DNAAF4: variants seen among roughly 807,000 people sequenced by gnomAD.
DNAAF4 encodes dynein assembly factor 4, axonemal.
Under a neutral mutation model 51.8 loss-of-function variants are expected in DNAAF4, and 43 were observed. The ratio of observed to expected loss-of-function variants is 0.83; its 90% CI spans 0.65 to 1.07. The LOEUF (loss-of-function observed/expected upper bound fraction) is 1.07. Among genes scored for constraint, DNAAF4 ranks in the 50% least tolerant of loss-of-function variants. The probability of loss-of-function intolerance (pLI) is 0.00; values close to 1 mark genes in which losing one functional copy is unlikely to be tolerated. For missense variants in DNAAF4, 581 were observed against 493.0 expected (o/e 1.18, Z -1.69); for synonymous variants, 194 against 165.6 (o/e 1.17, Z -1.32).
intron 6 of DNAAF4, among the ~76,000 whole-genome samples, chr15:55,447,011 C>T (rs1265250492): frequency 1.4e-5 from 2 of 141,820 alleles, no homozygotes; most frequent in Admixed American, 7.1e-5. Flanking sequence ...CAGAGGCGCT[C>T]TCCACTTCCC....
At chr15:55,418,281 C>T in intron 7 of DNAAF4, 1 of 1,552,022 alleles carries the variant, frequency 6.4e-7, no homozygotes, top group Non-Finnish European at 8.7e-7. Flanking sequence ...GAACAACTGC[C>T]TCCTTGTGTG....
At chr15:55,506,521 A>T (rs1369224171) in intron 1 of DNAAF4, among the ~76,000 whole-genome samples, 5 of 152,182 alleles carry the variant, frequency 3.3e-5, no homozygotes, top group Admixed American at 6.6e-5. Context: ...GAGTTCTAAT[A>T]ATAAAAGTGT....
At chr15:55,497,658 G>C (rs926183050) in intron 3 of DNAAF4, 54 bp downstream of exon 3, 21 of 1,538,056 alleles carry the variant, frequency 1.4e-5, no homozygotes, top group African/African-American at 2.8e-5. Flanking sequence ...TTTTTTAAAA[G>C]GTCTGAAACC....
intron 7 of DNAAF4, chr15:55,418,752 A>G (rs901929217): frequency 2.0e-6 from 1 of 502,414 alleles, no homozygotes; most frequent in Non-Finnish European, 3.4e-6. Flanking sequence ...TATGTTCAAA[A>G]TAGCAAAATA....
At chr15:55,499,807 T>C (rs1176017292) in intron 1 of DNAAF4, among the ~76,000 whole-genome samples, 3 of 152,232 alleles carry the variant, frequency 2.0e-5, no homozygotes, top group Non-Finnish European at 4.4e-5. Context: ...TTGAAGATTA[T>C]GTAGTCTTAT....
intron 4 of DNAAF4, among the ~76,000 whole-genome samples, chr15:55,486,759 G>C (rs1441316055): frequency 1.3e-5 from 2 of 151,050 alleles, no homozygotes; most frequent in African/African-American, 4.9e-5. Flanking sequence ...TTCCAGCCTG[G>C]GCAACAGACC....
rs917414309 is a variant in DNAAF4, at chr15:55,447,283, C to T, written c.783+2939G>A. Among the ~76,000 whole-genome samples the T allele has an allele frequency of 9.0e-4, 137 of 151,966 alleles. 1 individual carries two copies. The highest frequency in any genetic ancestry group is 3.8e-3 in the Admixed American group (58 of 15,264). On this transcript the variant is annotated intron_variant, in intron 6 of 9. Coordinates refer to ENST00000321149, the MANE Select transcript of DNAAF4 (RefSeq NM_130810.4). Reference sequence around the variant, plus strand: ...GGCGGTCGGGCAGAGGTGCTCCTCACATCCCAGACTGGGCGGCTGGGCAGA... The same window carrying T: ...GGCGGTCGGGCAGAGGTGCTCCTCATATCCCAGACTGGGCGGCTGGGCAGA...
At chr15:55,490,693 C>T (rs1489615442) in intron 4 of DNAAF4, among the ~76,000 whole-genome samples, 1 of 152,198 alleles carries the variant, frequency 6.6e-6, no homozygotes, top group African/African-American at 2.4e-5. Context: ...GTGGCTCACG[C>T]CTCTAATCCC....
At chr15:55,439,672 G>C in intron 6 of DNAAF4, 91 bp from the exon 7 acceptor site, 1 of 1,145,322 alleles carries the variant, frequency 8.7e-7, no homozygotes, top group Non-Finnish European at 1.2e-6. Flanking sequence ...CCAGTGGATT[G>C]AAATATTATT....
At chr15:55,420,610 A>G (rs1320669336) in intron 7 of DNAAF4, among the ~76,000 whole-genome samples, 1 of 152,160 alleles carries the variant, frequency 6.6e-6, no homozygotes, top group Non-Finnish European at 1.5e-5. Flanking sequence ...CCCAAAACTG[A>G]TATTTAGTAA....
chr15:55,484,853 T>C (rs1426412147), intron 4 of DNAAF4, among the ~76,000 whole-genome samples: 2 of 152,126 alleles, frequency 1.3e-5, no homozygotes, highest in African/African-American at 4.8e-5. Context: ...TCTTTTCATA[T>C]TTTTCTGCCT....
intron 6 of DNAAF4, chr15:55,442,578 G>C (rs759109623): frequency 5.2e-6 from 6 of 1,161,312 alleles, no homozygotes; most frequent in Non-Finnish European, 7.8e-6. Flanking sequence ...GTATTCGGGG[G>C]ACAACTGCTT....
At chr15:55,425,955 A>C (rs2057427259), downstream of DNAAF4, among the ~76,000 whole-genome samples, 1 of 152,244 alleles carries the variant, frequency 6.6e-6, no homozygotes, top group Admixed American at 6.5e-5. Flanking sequence ...TAATTCACAC[A>C]GAGCCAGCTA....
rs144383990 is a variant in DNAAF4, at chr15:55,462,364, T to C, written c.637+4566A>G. ...CATGCCACCACACCCTGCTAATTTT[T>C]GTATTTTTAGTTAGATGAGGTTTCA... On this transcript the variant is annotated intron_variant, in intron 5 of 9. Transcript: ENST00000321149. Among the ~76,000 whole-genome samples the C allele has an allele frequency of 4.2e-3, 632 of 152,184 alleles. 7 individuals are homozygous for C. The highest frequency in any genetic ancestry group is 0.014 in the African/African-American group (587 of 41,504).
At chr15:55,437,593 A>T (rs2057635147) in intron 7 of DNAAF4, among the ~76,000 whole-genome samples, 1 of 152,072 alleles carries the variant, frequency 6.6e-6, no homozygotes, top group African/African-American at 2.4e-5. Flanking sequence ...ACATGTGAAT[A>T]AGTTAAAGAG....
In DNAAF4 at chr15:55,454,550, G is replaced by C. The variant is rs2057988799; in HGVS notation, c.638-4183C>G. Among the ~76,000 whole-genome samples the C allele has an allele frequency of 2.0e-5, 3 of 151,830 alleles. No homozygotes were observed. The South Asian group carries it at 6.2e-4, about 32-fold the overall frequency. On this transcript the variant is annotated intron_variant, in intron 5 of 9. Coordinates refer to ENST00000321149, the MANE Select transcript of DNAAF4 (RefSeq NM_130810.4). ...GTGCCACCACAGCCAGCTAATTTTT[G>C]TATTTTTAGTAGAGATGGGGTTTCA... is the stretch of plus-strand genomic sequence containing the variant.
intron 7 of DNAAF4, among the ~76,000 whole-genome samples, chr15:55,420,144 CAGG>C (rs1472275468): frequency 2.0e-5 from 3 of 152,094 alleles, no homozygotes; most frequent in East Asian, 3.8e-4. Flanking sequence ...CCAGAGAGAT[CAGG>C]AGAAGTGTCC....
At position 55,473,201 on chromosome 15, in the gene DNAAF4, ATAT is replaced by A. The variant is rs1567023299; in HGVS notation, c.406-6043_406-6041del. 2.0e-3 allele frequency among the ~76,000 whole-genome samples: 178 copies of A among 88,228 alleles called. 30 individuals are homozygous for A. Among genetic ancestry groups the A allele is most frequent in the African/African-American group, 0.01 (168 of 16,656 alleles). The allele number at this position is 88,228 out of a possible 152,430, so 57.9% of individuals were successfully genotyped here. ...AAAAAAAAACCTAAAAAAAAAAAAT[ATAT>A]ATATATATATATATATATGTGTGTG... On this transcript the variant is annotated intron_variant, in intron 4 of 9. Coordinates refer to ENST00000321149, the MANE Select transcript of DNAAF4 (RefSeq NM_130810.4).
intron 6 of DNAAF4, chr15:55,442,678 G>C: frequency 2.0e-6 from 3 of 1,483,940 alleles, no homozygotes; most frequent in Non-Finnish European, 2.8e-6. Flanking sequence ...TAAGCTTGTC[G>C]CCTCTGAATA....
Sources: allele counts gnomAD v4.1 joint callset (sites outside exome capture counted in the v4.1 genomes callset), GRCh38; gene constraint gnomAD v4.1.1; transcripts MANE v1.5; gene names NCBI Gene and HGNC (gene_info 2026-07-23, HGNC 2026-07-21).